The following ANK3 variants were observed in gnomAD, a reference collection of about 807,000 sequenced individuals.
ANK3 encodes ankyrin 3.
ANK3 carries 57 observed loss-of-function variants against 370.9 expected under a neutral mutation model. The ratio of observed to expected loss-of-function variants is 0.15; its 90% CI spans 0.12 to 0.19. ANK3 has a LOEUF of 0.19. ANK3 is among the 10% of genes least tolerant of loss of function. The probability of loss-of-function intolerance (pLI) is 1.00; values close to 1 mark genes in which losing one functional copy is unlikely to be tolerated. For missense variants in ANK3, 4,439 were observed against 5,302.1 expected (o/e 0.84, Z 5.06); for synonymous variants, 1,929 against 1,946.3 (o/e 0.99, Z 0.23).
In ANK3 at chr10:60,389,840, G is replaced by A; in HGVS notation, c.-302C>T. On this transcript the variant is annotated 5_prime_UTR_variant, in exon 1 of 44. Transcript: ENST00000280772. ...GCTGGGACAGAGGAAGCTGTATTAT[G>A]GCTGTATCCCCTGCCACCAGCTGGA... is the stretch of plus-strand genomic sequence containing the variant. The A allele has an allele frequency of 9.0e-7, 1 of 1,112,534 alleles. No homozygotes were observed. Among genetic ancestry groups the A allele is most frequent in the Non-Finnish European group, 1.1e-6 (1 of 911,426 alleles). 68.9% of individuals were successfully genotyped at this position (1,112,534 alleles called of 1,614,324 possible).
intron 2 of ANK3, among the ~76,000 whole-genome samples, chr10:60,613,433 T>C (rs2078226964): frequency 6.6e-6 from 1 of 152,226 alleles, no homozygotes. Flanking sequence ...ATTTTTAATC[T>C]TTAAAGGATT....
At chr10:60,374,230 C>T (rs968388882) in intron 1 of ANK3, among the ~76,000 whole-genome samples, 2 of 152,028 alleles carry the variant, frequency 1.3e-5, no homozygotes, top group Non-Finnish European at 2.9e-5. Context: ...CGGCGGGCAA[C>T]CTTAGGGGCC....
At chr10:60,163,290 C>G (rs1039111447) in intron 23 of ANK3, among the ~76,000 whole-genome samples, 1 of 152,152 alleles carries the variant, frequency 6.6e-6, no homozygotes, top group Admixed American at 6.5e-5. Context: ...GAACAGGAGA[C>G]AGTAGAGCAG....
At chr10:60,562,440 G>C (rs1486919420) in intron 2 of ANK3, among the ~76,000 whole-genome samples, 1 of 152,058 alleles carries the variant, frequency 6.6e-6, no homozygotes, top group Non-Finnish European at 1.5e-5. Context: ...GGGGGATGGA[G>C]TCTCGCTCTG....
intron 1 of ANK3, among the ~76,000 whole-genome samples, chr10:60,377,924 A>C (rs1180185178): frequency 6.6e-6 from 1 of 152,218 alleles, no homozygotes; most frequent in African/African-American, 2.4e-5. Flanking sequence ...TTTTTATCGT[A>C]AATTGAACCT....
At chr10:60,385,494 G>T (rs530061511) in intron 1 of ANK3, among the ~76,000 whole-genome samples, 2 of 152,074 alleles carry the variant, frequency 1.3e-5, no homozygotes, top group African/African-American at 4.8e-5. Flanking sequence ...ACTATGCTTT[G>T]ATTGGCTTTG....
At chr10:60,588,513 T>C (rs755367885) in intron 2 of ANK3, among the ~76,000 whole-genome samples, 2 of 152,014 alleles carry the variant, frequency 1.3e-5, no homozygotes, top group African/African-American at 2.4e-5. Flanking sequence ...ATTATAATTA[T>C]ACAAGAAATG....
intron 2 of ANK3, among the ~76,000 whole-genome samples, chr10:60,598,177 G>T (rs2078013628): frequency 6.6e-6 from 1 of 152,146 alleles, no homozygotes; most frequent in Non-Finnish European, 1.5e-5. Context: ...CAGAAACTAA[G>T]TTAGCTGAGT....
At chr10:60,439,287 A>G (rs1222831065) in intron 2 of ANK3, among the ~76,000 whole-genome samples, 1 of 152,166 alleles carries the variant, frequency 6.6e-6, no homozygotes, top group African/African-American at 2.4e-5. Flanking sequence ...AGAGAAGGGA[A>G]TATCTTATTT....
At chr10:60,364,114 T>C (rs1464434876) in intron 1 of ANK3, among the ~76,000 whole-genome samples, 1 of 151,234 alleles carries the variant, frequency 6.6e-6, no homozygotes, top group Non-Finnish European at 1.5e-5. Flanking sequence ...GCCAACATGG[T>C]GAAGCCCTGT....
At chr10:60,422,013 T>G (rs1479205291) in intron 2 of ANK3, among the ~76,000 whole-genome samples, 1 of 152,096 alleles carries the variant, frequency 6.6e-6, no homozygotes, top group Non-Finnish European at 1.5e-5. Context: ...ATAAAAGGTC[T>G]TAGACAAAAG....
intron 1 of ANK3, among the ~76,000 whole-genome samples, chr10:60,291,113 G>A (rs1372849700): frequency 6.6e-6 from 1 of 152,094 alleles, no homozygotes; most frequent in Non-Finnish European, 1.5e-5. Context: ...CCCATGGGAG[G>A]AAAAACACAT....
intron 2 of ANK3, among the ~76,000 whole-genome samples, chr10:60,432,914 G>C (rs3935092): frequency 0.59 from 89,037 of 151,818 alleles, 26,535 homozygotes; most frequent in African/African-American, 0.68. Flanking sequence ...CCAGGTTCCT[G>C]TTCCCGCATC....
intron 9 of ANK3, among the ~76,000 whole-genome samples, chr10:60,211,324 C>T (rs951293027): frequency 6.6e-6 from 1 of 151,890 alleles, no homozygotes; most frequent in Non-Finnish European, 1.5e-5. Flanking sequence ...AGGGCAGTGA[C>T]GAGGATCTGG....
chr10:60,366,599 A>C (rs891903634), intron 1 of ANK3, among the ~76,000 whole-genome samples: 1 of 151,256 alleles, frequency 6.6e-6, no homozygotes, highest in Non-Finnish European at 1.5e-5. Context: ...GGAAGAAAGA[A>C]GGGGGAAGAA....
intron 28 of ANK3, among the ~76,000 whole-genome samples, chr10:60,088,844 T>C (rs2087394486): frequency 6.6e-6 from 1 of 152,184 alleles, no homozygotes; most frequent in Non-Finnish European, 1.5e-5. Context: ...ATAAAACTAT[T>C]AATATAAGTA....
chr10:60,547,020 C>T (rs2076978278), intron 2 of ANK3, among the ~76,000 whole-genome samples: 1 of 151,444 alleles, frequency 6.6e-6, no homozygotes, highest in Non-Finnish European at 1.5e-5. Context: ...ATCAGGCATA[C>T]TTTCAACTAC....
intron 2 of ANK3, among the ~76,000 whole-genome samples, chr10:60,443,164 T>C (rs1196507956): frequency 6.6e-6 from 1 of 152,214 alleles, no homozygotes; most frequent in African/African-American, 2.4e-5. Flanking sequence ...TTATTGTATA[T>C]CTGCTTTGAA....
chr10:60,473,646 T>C (rs2065269507), intron 2 of ANK3, among the ~76,000 whole-genome samples: 1 of 152,126 alleles, frequency 6.6e-6, no homozygotes, highest in African/African-American at 2.4e-5. Flanking sequence ...AATGAATGAC[T>C]AACGTGACTT....
Sources: gnomAD v4.1 joint callset for allele counts (sites outside exome capture counted in the v4.1 genomes callset) on GRCh38, gnomAD v4.1.1 for gene constraint, MANE v1.5 for transcripts, NCBI Gene and HGNC (gene_info 2026-07-23, HGNC 2026-07-21) for gene names.